Variants in CRPPA observed in about 807,000 individuals in gnomAD.
CRPPA encodes CDP-L-ribitol pyrophosphorylase A, also known as D-ribitol-5-phosphate cytidylyltransferase.
Under a neutral mutation model 52.0 loss-of-function variants are expected in CRPPA, and 43 were observed. The observed-to-expected ratio is 0.83, with a 90% CI of 0.65 to 1.07. CRPPA has a LOEUF of 1.07. CRPPA is among the 50% of genes least tolerant of loss of function. The probability of loss-of-function intolerance (pLI) is 0.00; values close to 1 mark genes in which losing one functional copy is unlikely to be tolerated. For missense variants in CRPPA, 629 were observed against 551.7 expected, an observed-to-expected ratio of 1.14 and a Z score of -1.40; for synonymous variants, 250 against 203.5, an observed-to-expected ratio of 1.23 and a Z score of -1.94.
At chr7:16,233,811 A>T (rs1050251732) in intron 8 of CRPPA, among the ~76,000 whole-genome samples, 15 of 152,268 alleles carry the variant, frequency 9.9e-5, no homozygotes, top group African/African-American at 3.6e-4. Context: ...AATGAGTGAA[A>T]TATCAAATTC....
chr7:16,293,939 T>C (rs1020786834), intron 5 of CRPPA, among the ~76,000 whole-genome samples: 1 of 152,078 alleles, frequency 6.6e-6, no homozygotes, highest in Non-Finnish European at 1.5e-5. Flanking sequence ...TCTAACTAAA[T>C]GATAGCTTTC....
In CRPPA at chr7:16,286,097, A is replaced by AAAAAT; in HGVS notation, c.836-7872_836-7871insATTTT. ...TATATATATAATATTTAAAAAAAAA[A>AAAAAT]ATATATATATATATATATATGCCAA... On this transcript the variant is annotated intron_variant, in intron 5 of 9. Coordinates refer to ENST00000407010, the MANE Select transcript of CRPPA (RefSeq NM_001101426.4). Among the ~76,000 whole-genome samples, 43 of 39,118 alleles carry AAAAAT rather than the reference A, an allele frequency of 1.1e-3. 7 individuals carry two copies. The highest frequency in any genetic ancestry group is 5.9e-3 in the African/African-American group (32 of 5,450). The allele number at this position is 39,118 out of a possible 152,430, so 25.7% of individuals were successfully genotyped here.
intron 2 of CRPPA, among the ~76,000 whole-genome samples, chr7:16,390,249 T>C (rs1469038669): frequency 2.0e-5 from 3 of 152,034 alleles, no homozygotes; most frequent in Non-Finnish European, 4.4e-5. Flanking sequence ...AAGTATGCCA[T>C]GACTTCTGCC....
chr7:16,129,889 T>A (rs1782649807), intron 9 of CRPPA, among the ~76,000 whole-genome samples: 1 of 152,204 alleles, frequency 6.6e-6, no homozygotes, highest in Admixed American at 6.5e-5. Flanking sequence ...CATTTCTATT[T>A]ATGGGTTCCA....
chr7:16,153,120 A>G (rs1439836265), intron 9 of CRPPA, among the ~76,000 whole-genome samples: 1 of 152,118 alleles, frequency 6.6e-6, no homozygotes, highest in Non-Finnish European at 1.5e-5. Context: ...GCTTAGCTTT[A>G]CATAAAACTA....
chr7:16,273,687 C>G (rs1330357967), intron 6 of CRPPA, among the ~76,000 whole-genome samples: 1 of 152,126 alleles, frequency 6.6e-6, no homozygotes, highest in African/African-American at 2.4e-5. Flanking sequence ...AGGGCTGGTG[C>G]AAAAGGTTGT....
chr7:16,412,363 C>A (rs1473875196), intron 1 of CRPPA, among the ~76,000 whole-genome samples: 3 of 152,070 alleles, frequency 2.0e-5, no homozygotes, highest in Non-Finnish European at 2.9e-5. Context: ...AATTTTCTTT[C>A]AAATGTGCGT....
At chr7:16,235,519 C>A (rs1782925736) in intron 8 of CRPPA, among the ~76,000 whole-genome samples, 1 of 152,030 alleles carries the variant, frequency 6.6e-6, no homozygotes, top group African/African-American at 2.4e-5. Flanking sequence ...TGGAATACAG[C>A]CATACCCATT....
intron 9 of CRPPA, among the ~76,000 whole-genome samples, chr7:16,200,566 G>A (rs1241273745): frequency 1.3e-5 from 2 of 152,132 alleles, no homozygotes; most frequent in Non-Finnish European, 2.9e-5. Flanking sequence ...ATATGTTGCT[G>A]CCTAATTTGA....
At chr7:16,308,093 ACTCCTC>A (rs1411089823) in intron 4 of CRPPA, among the ~76,000 whole-genome samples, 2 of 151,220 alleles carry the variant, frequency 1.3e-5, no homozygotes, top group Non-Finnish European at 2.9e-5. Context: ...GAAGTGTCTC[ACTCCTC>A]CTTTGCTTTC....
At chr7:16,310,139 C>G (rs1411238500) in intron 3 of CRPPA, among the ~76,000 whole-genome samples, 1 of 152,048 alleles carries the variant, frequency 6.6e-6, no homozygotes, top group East Asian at 1.9e-4. Flanking sequence ...TGTTTTGACA[C>G]TTGTGATTCA....
intron 2 of CRPPA, among the ~76,000 whole-genome samples, chr7:16,380,717 G>A (rs1450765334): frequency 6.6e-6 from 1 of 152,254 alleles, no homozygotes; most frequent in East Asian, 1.9e-4. Context: ...GTTTAGACTT[G>A]GGAGGGTGTA....
At chr7:16,254,874 C>T (rs911015970) in intron 8 of CRPPA, among the ~76,000 whole-genome samples, 4 of 150,054 alleles carry the variant, frequency 2.7e-5, no homozygotes, top group Admixed American at 1.3e-4. Flanking sequence ...AAGAAAGAGG[C>T]AGGCACAAGA....
intron 3 of CRPPA, among the ~76,000 whole-genome samples, chr7:16,373,014 G>A (rs1197678191): frequency 6.6e-6 from 1 of 152,240 alleles, no homozygotes; most frequent in Non-Finnish European, 1.5e-5. Flanking sequence ...GTGGAAATAA[G>A]CCAAGTGTGG....
At position 16,381,800 on chromosome 7, in the gene CRPPA, A is replaced by G. The variant is rs532022499; in HGVS notation, c.535-5559T>C. Among the ~76,000 whole-genome samples, 13 of 151,922 alleles carry G rather than the reference A, an allele frequency of 8.6e-5. No homozygotes were observed. The South Asian group carries it at 1.7e-3, about 19-fold the overall frequency. On this transcript the variant is annotated intron_variant, in intron 2 of 9. Coordinates refer to ENST00000407010, the MANE Select transcript of CRPPA (RefSeq NM_001101426.4). ...TGGTTTAAAGTCTGTTTTATCAGAG[A>G]CTAGGATTGCAACCCCTGCCTTTTT...
At chr7:16,401,869 AT>A (rs1196676172) in intron 2 of CRPPA, among the ~76,000 whole-genome samples, 6 of 141,828 alleles carry the variant, frequency 4.2e-5, no homozygotes, top group Non-Finnish European at 7.5e-5. Context: ...CATTAAAAAA[AT>A]ATATATATAG....
At chr7:16,397,149 C>A (rs915931024) in intron 2 of CRPPA, among the ~76,000 whole-genome samples, 2 of 152,270 alleles carry the variant, frequency 1.3e-5, no homozygotes, top group Non-Finnish European at 2.9e-5. Flanking sequence ...GCGTGTCTGA[C>A]ACATTAGCAA....
At chr7:16,367,188 A>C (rs1010857501) in intron 3 of CRPPA, among the ~76,000 whole-genome samples, 4 of 151,408 alleles carry the variant, frequency 2.6e-5, no homozygotes, top group Non-Finnish European at 5.9e-5. Flanking sequence ...AAAAAAACTT[A>C]TGCCTTCTTA....
chr7:16,258,915 C>G lies in CRPPA; in HGVS notation c.1026+5G>C, dbSNP rs762349005. 10 of 1,596,246 alleles carry G rather than the reference C, an allele frequency of 6.3e-6. No homozygotes were observed. Among genetic ancestry groups the G allele is most frequent in the Non-Finnish European group, 8.6e-6 (10 of 1,168,012 alleles). ...AAGTGCCTTCAATCATTTGAATTGA[C>G]TTACATTCACACAAACAAAATTGTA... On this transcript the variant is annotated splice_donor_5th_base_variant and intron_variant, in intron 7 of 9. Coordinates refer to ENST00000407010, the MANE Select transcript of CRPPA (RefSeq NM_001101426.4).
Sources: allele counts gnomAD v4.1 joint callset (sites outside exome capture counted in the v4.1 genomes callset), GRCh38; gene constraint gnomAD v4.1.1; transcripts MANE v1.5; gene names NCBI Gene and HGNC (gene_info 2026-07-23, HGNC 2026-07-21).